MRC2: variants seen among roughly 807,000 people sequenced by gnomAD.
The protein encoded by MRC2 is mannose receptor C-type 2.
In MRC2, 84 loss-of-function variants were observed where a neutral mutation model predicts 206.2. The ratio of observed to expected loss-of-function variants is 0.41; its 90% CI spans 0.34 to 0.49. The LOEUF (loss-of-function observed/expected upper bound fraction) is 0.49. MRC2 is among the 20% of genes least tolerant of loss of function. MRC2 has a pLI of 0.31. For missense variants in MRC2, 1,676 were observed against 2,001.5 expected (o/e 0.84, Z 3.10); for synonymous variants, 798 against 800.0 (o/e 1.00, Z 0.04).
chr17:62,664,727 G>A lies in MRC2; in HGVS notation c.298G>A (p.Gly100Ser), dbSNP rs1173491116. The change falls in exon 2 of 30, where the codon GGC becomes AGC. Residue 100 changes from glycine to serine, a missense_variant. Physicochemically the swap from Gly to Ser is moderately conservative, Grantham distance 56. Transcript: ENST00000303375. The surrounding 1 kb of genome is among the most constrained non-coding windows in gnomAD (Gnocchi z 4.7). ...TMQCLGTGWP[G>S]TNTTASLGMY... is the part of the protein sequence containing the mutation. ...GCAGTGCCTGGGCACAGGCTGGCCA[G>A]GCACCAACACCACGGCCTCCCTGGG... 2 of 1,613,892 alleles carry A rather than the reference G, an allele frequency of 1.2e-6. No homozygotes were observed. Among genetic ancestry groups the A allele is most frequent in the Non-Finnish European group, 1.7e-6 (2 of 1,180,046 alleles).
intron 1 of MRC2, among the ~76,000 whole-genome samples, chr17:62,639,613 T>TA (rs533884568): frequency 3.0e-4 from 46 of 152,014 alleles, no homozygotes; most frequent in African/African-American, 7.2e-4. Flanking sequence ...ATCTCAAAGA[T>TA]AAAAAAAATG....
chr17:62,667,007 A>G lies in MRC2; in HGVS notation c.973+137A>G, dbSNP rs1649959059. On this transcript the variant is annotated intron_variant, in intron 5 of 29. Transcript: ENST00000303375. This position sits in a 1 kb window ranked among gnomAD's most constrained non-coding sequence, Gnocchi z 4.1. ...AGCACCGACCTCCACCCCCCTCCCC[A>G]GACTGCGCCCCCCTAGCCCATGTAG... The G allele has an allele frequency of 1.4e-6, 1 of 718,596 alleles. No individual in the cohort carries two copies. The highest frequency in any genetic ancestry group is 2.4e-5 in the Admixed American group (1 of 41,076). The allele number at this position is 718,596 out of a possible 1,614,324, so 44.5% of individuals were successfully genotyped here.
chr17:62,691,771 CAAAAAAAAA>C (rs549279909), intron 28 of MRC2, among the ~76,000 whole-genome samples: 16 of 65,928 alleles, frequency 2.4e-4, no homozygotes, highest in Admixed American at 1.1e-3. Context: ...ACCCTGTCTC[CAAAAAAAAA>C]AAAAAAAAAA....
Position 62,630,535 on chromosome 17 carries a change from G to T in MRC2, c.118+2615G>T, listed in dbSNP as rs889227842. Among the ~76,000 whole-genome samples the T allele has an allele frequency of 3.9e-5, 6 of 152,130 alleles. No individual in the cohort carries two copies. The South Asian group carries it at 1.2e-3, about 31-fold the overall frequency. ...TCTGGGGATGATGTGGAAGCTTGCT[G>T]GCTGGGCCGGGGAGAAGGTTGAGTG... On this transcript the variant is annotated intron_variant, in intron 1 of 29. Coordinates refer to ENST00000303375, the MANE Select transcript of MRC2 (RefSeq NM_006039.5).
intron 1 of MRC2, among the ~76,000 whole-genome samples, chr17:62,649,852 A>G (rs1179094506): frequency 6.1e-5 from 9 of 148,040 alleles, no homozygotes; most frequent in Admixed American, 4.0e-4. Context: ...GTTTTGTTTT[A>G]TTTTGAAATA....
chr17:62,689,887 T>C lies in MRC2; in HGVS notation c.3574-7T>C. On this transcript the variant is annotated splice_region_variant and splice_polypyrimidine_tract_variant and intron_variant, in intron 24 of 29. Transcript: ENST00000303375. ...CTTCCTCCCACCCCATGGCCCCCCA[T>C]GCCCAGGGCTCTCGGCGGTACTCCT... 1 of 1,584,918 alleles carries C rather than the reference T, an allele frequency of 6.3e-7. No homozygotes were observed. The highest frequency in any genetic ancestry group is 8.6e-7 in the Non-Finnish European group (1 of 1,166,344).
At chr17:62,661,068 C>T (rs548672478) in intron 1 of MRC2, among the ~76,000 whole-genome samples, 1 of 152,144 alleles carries the variant, frequency 6.6e-6, no homozygotes, top group South Asian at 2.1e-4. Context: ...ATGTGAAATG[C>T]CAGGTAGAGG....
At chr17:62,644,564 G>A (rs1053588611) in intron 1 of MRC2, among the ~76,000 whole-genome samples, 1 of 152,150 alleles carries the variant, frequency 6.6e-6, no homozygotes, top group Admixed American at 6.5e-5. Flanking sequence ...AAATAAACAT[G>A]TTCGTATCTT....
intron 1 of MRC2, among the ~76,000 whole-genome samples, chr17:62,638,868 G>A (rs1262656016): frequency 6.6e-6 from 1 of 152,112 alleles, no homozygotes; most frequent in Non-Finnish European, 1.5e-5. Context: ...GCAGTGAGCT[G>A]AGATCGTGCC....
In MRC2 at chr17:62,680,630, C is replaced by T. The variant is rs2088952323; in HGVS notation, c.2474-170C>T. 1.6e-6 allele frequency: 2 copies of T among 1,253,544 alleles called. No homozygotes were observed. Among genetic ancestry groups the T allele is most frequent in the Admixed American group, 2.7e-5 (1 of 37,382 alleles). 77.7% of individuals were successfully genotyped at this position (1,253,544 alleles called of 1,614,324 possible). A position where few individuals can be genotyped will look rare whatever the true frequency, so the allele number is the denominator to read the frequency against. Reference sequence around the variant, plus strand: ...GCCCTGTTTGCTTCCGTGTGGGAGGCGAGGCAAGCCTGGGGCCTGGGGCCT... The same window carrying T: ...GCCCTGTTTGCTTCCGTGTGGGAGGTGAGGCAAGCCTGGGGCCTGGGGCCT... On this transcript the variant is annotated intron_variant, in intron 16 of 29. Coordinates refer to ENST00000303375, the MANE Select transcript of MRC2 (RefSeq NM_006039.5). This position sits in a 1 kb window ranked among gnomAD's most constrained non-coding sequence, Gnocchi z 4.8.
At position 62,682,244 on chromosome 17, in the gene MRC2, G is replaced by A. The variant is rs933609004; in HGVS notation, c.2813G>A (p.Gly938Glu). 1.3e-6 allele frequency: 2 copies of A among 1,595,322 alleles called. No individual in the cohort carries two copies. Among genetic ancestry groups the A allele is most frequent in the Middle Eastern group, 1.7e-4 (1 of 5,976 alleles). ...VYMTASREDW[G>E]DQRCLTALPY... ...CCTCCCCTTTCCGCAGAGGACTGGGGGGACCAGAGGTGCCTGACAGCCTTG... is the reference window on the plus strand; with the variant it reads ...CCTCCCCTTTCCGCAGAGGACTGGGAGGACCAGAGGTGCCTGACAGCCTTG... Residue 938 changes from glycine to glutamate, a missense_variant, in exon 20 of 30, where the codon GGG becomes GAG. This residue lies in a region of MRC2 where 1,354 missense variants were observed against 1,636.6 expected (regional missense o/e 0.83). Transcript: ENST00000303375.
intron 1 of MRC2, among the ~76,000 whole-genome samples, chr17:62,658,598 T>A (rs2088644976): frequency 6.6e-6 from 1 of 152,212 alleles, no homozygotes; most frequent in African/African-American, 2.4e-5. Flanking sequence ...TTGCTACAAC[T>A]GCTACAGCCC....
At chr17:62,635,568 G>A (rs1175822843) in intron 1 of MRC2, among the ~76,000 whole-genome samples, 1 of 152,066 alleles carries the variant, frequency 6.6e-6, no homozygotes, top group Non-Finnish European at 1.5e-5. Flanking sequence ...CCTCCCAAGG[G>A]TCATACTGAT....
intron 1 of MRC2, among the ~76,000 whole-genome samples, chr17:62,635,915 G>A (rs1014840259): frequency 6.6e-6 from 1 of 151,752 alleles, no homozygotes; most frequent in African/African-American, 2.4e-5. Context: ...AGCCTCCCGA[G>A]TAGCTGGGAC....
chr17:62,671,914 CAG>C lies in MRC2; in HGVS notation c.1307-80_1307-79del. On this transcript the variant is annotated intron_variant, in intron 7 of 29. Coordinates refer to ENST00000303375, the MANE Select transcript of MRC2 (RefSeq NM_006039.5). The surrounding 1 kb of genome is among the most constrained non-coding windows in gnomAD (Gnocchi z 4.5). ...CCCCACCCATCCTGTCCAGGAGCCT[CAG>C]AGAATGTTCCTTCCTCCCTACTGGT... 2.5e-6 allele frequency: 4 copies of C among 1,603,286 alleles called. No homozygotes were observed. The highest frequency in any genetic ancestry group is 2.6e-6 in the Non-Finnish European group (3 of 1,172,754).
chr17:62,677,524 G>A, intron 12 of MRC2, 38 bp downstream of exon 12: 1 of 1,533,138 alleles, frequency 6.5e-7, no homozygotes, highest in Non-Finnish European at 8.8e-7. Context: ...GGCAGGGGGA[G>A]GACAGGAGCA....
chr17:62,643,916 CA>C (rs1469225762), intron 1 of MRC2, among the ~76,000 whole-genome samples: 3 of 151,826 alleles, frequency 2.0e-5, no homozygotes, highest in Non-Finnish European at 2.9e-5. Context: ...AAAAAAGATC[CA>C]AAAATGTTTG....
intron 1 of MRC2, among the ~76,000 whole-genome samples, chr17:62,643,253 G>A (rs994669665): frequency 9.9e-5 from 15 of 151,286 alleles, no homozygotes; most frequent in African/African-American, 3.7e-4. Flanking sequence ...ACTTGAAACC[G>A]GGAGGTGGAG....
Position 62,666,630 on chromosome 17 carries a change from G to A in MRC2, c.859+11G>A, listed in dbSNP as rs777506014. ...AGACCTACATCAACGGTGAGCCGGG[G>A]CCTGATGCCTGCTCGTGCCTCTGGA... On this transcript the variant is annotated intron_variant, in intron 4 of 29. Coordinates refer to ENST00000303375, the MANE Select transcript of MRC2 (RefSeq NM_006039.5). The surrounding 1 kb of genome is among the most constrained non-coding windows in gnomAD (Gnocchi z 5.0). 5 of 1,559,596 alleles carry A rather than the reference G, an allele frequency of 3.2e-6. No individual in the cohort carries two copies. The East Asian group carries it at 1.2e-4, about 36-fold the overall frequency.
Sources: allele counts gnomAD v4.1 joint callset (sites outside exome capture counted in the v4.1 genomes callset), GRCh38; gene constraint gnomAD v4.1.1; regional missense constraint gnomAD v4.1.1; non-coding constraint Gnocchi (gnomAD v3.1); transcripts MANE v1.5; gene names NCBI Gene and HGNC (gene_info 2026-07-23, HGNC 2026-07-21).